SNX29: variants seen among roughly 807,000 people sequenced by gnomAD.
The protein encoded by SNX29 is sorting nexin-29.
SNX29 carries 78 observed loss-of-function variants against 102.1 expected under a neutral mutation model. The ratio of observed to expected loss-of-function variants is 0.76; its 90% CI spans 0.64 to 0.92. The LOEUF is 0.92. Ranked by LOEUF, SNX29 falls within the 40% of genes least tolerant of loss-of-function variation. The probability of loss-of-function intolerance (pLI) is 0.00; values close to 1 mark genes in which losing one functional copy is unlikely to be tolerated. For missense variants in SNX29, 1,280 were observed against 1,061.7 expected (o/e 1.21, Z -2.86); for synonymous variants, 580 against 414.5 (o/e 1.40, Z -4.85).
chr16:12,155,957 G>T (rs1467944780), intron 13 of SNX29, among the ~76,000 whole-genome samples: 1 of 152,204 alleles, frequency 6.6e-6, no homozygotes, highest in East Asian at 1.9e-4. Context: ...GGTATAAAAG[G>T]ACTTGACATG....
intron 13 of SNX29, among the ~76,000 whole-genome samples, chr16:12,137,988 G>A (rs1327828169): frequency 2.0e-5 from 3 of 152,184 alleles, no homozygotes; most frequent in East Asian, 1.9e-4. Flanking sequence ...TTCTGGCTGA[G>A]AAGGACTGGA....
intron 7 of SNX29, among the ~76,000 whole-genome samples, chr16:12,050,955 A>C (rs1379375865): frequency 6.6e-6 from 1 of 151,814 alleles, no homozygotes; most frequent in African/African-American, 2.4e-5. Context: ...TCCTGACCTC[A>C]GGTGATCCAC....
Position 12,483,114 on chromosome 16 carries a change from G to GTTTTTTTTTTTT in SNX29, c.2178+5273_2178+5284dup, listed in dbSNP as rs574090459. On this transcript the variant is annotated intron_variant, in intron 19 of 20. Coordinates refer to ENST00000566228, the MANE Select transcript of SNX29 (RefSeq NM_032167.5). ...AATAGATACATATTGAAGTTATTAA[G>GTTTTTTTTTTTT]TTTTTTTTTTTTTTTTTTTTTTTTT... 8.6e-4 allele frequency among the ~76,000 whole-genome samples: 57 copies of GTTTTTTTTTTTT among 66,206 alleles called. 7 individuals carry two copies. The highest frequency in any genetic ancestry group is 2.1e-3 in the African/African-American group (35 of 16,476). The allele number at this position is 66,206 out of a possible 152,430, so 43.4% of individuals were successfully genotyped here. A position where few individuals can be genotyped will look rare whatever the true frequency, so the allele number is the denominator to read the frequency against.
intron 11 of SNX29, among the ~76,000 whole-genome samples, chr16:12,082,554 G>C (rs868075840): frequency 2.6e-4 from 40 of 152,152 alleles, no homozygotes; most frequent in Non-Finnish European, 4.9e-4. Context: ...TTCTTGTTTT[G>C]ACTCAGACAA....
chr16:12,330,593 G>A (rs1337464160), intron 15 of SNX29, among the ~76,000 whole-genome samples: 1 of 152,222 alleles, frequency 6.6e-6, no homozygotes, highest in Non-Finnish European at 1.5e-5. Context: ...TGGAAACTGA[G>A]TCCCAGTGGG....
chr16:12,210,477 C>A (rs149290489), intron 14 of SNX29, among the ~76,000 whole-genome samples: 5 of 151,616 alleles, frequency 3.3e-5, no homozygotes, highest in Non-Finnish European at 1.5e-5. Flanking sequence ...CACTGGTGTC[C>A]ACCATCACTC....
At chr16:12,519,879 G>A (rs1030107159) in intron 19 of SNX29, among the ~76,000 whole-genome samples, 2 of 152,064 alleles carry the variant, frequency 1.3e-5, no homozygotes, top group African/African-American at 4.8e-5. Context: ...ATGGTGGTGT[G>A]CCCCTGTAGT....
chr16:12,540,452 G>T (rs59067997), intron 20 of SNX29, among the ~76,000 whole-genome samples: 1 of 151,964 alleles, frequency 6.6e-6, no homozygotes, highest in Admixed American at 6.5e-5. Flanking sequence ...CCAGAAGTCC[G>T]AGATCCGTCT....
intron 16 of SNX29, among the ~76,000 whole-genome samples, chr16:12,385,529 C>G (rs923670840): frequency 3.3e-5 from 5 of 152,182 alleles, no homozygotes; most frequent in Non-Finnish European, 5.9e-5. Flanking sequence ...ACTCAGGGCC[C>G]TCACCCGGAC....
intron 4 of SNX29, among the ~76,000 whole-genome samples, chr16:12,037,000 C>T (rs1423213541): frequency 5.3e-5 from 8 of 152,118 alleles, no homozygotes; most frequent in South Asian, 2.1e-4. Flanking sequence ...CCCTCACCAC[C>T]GCTTCTCTGT....
intron 14 of SNX29, among the ~76,000 whole-genome samples, chr16:12,248,654 G>T (rs907872044): frequency 6.6e-6 from 1 of 151,950 alleles, no homozygotes; most frequent in Non-Finnish European, 1.5e-5. Flanking sequence ...GATCTCAAGT[G>T]ATCCGCCTCC....
intron 18 of SNX29, among the ~76,000 whole-genome samples, chr16:12,435,458 G>C (rs1484651819): frequency 6.6e-6 from 1 of 152,210 alleles, no homozygotes; most frequent in Admixed American, 6.5e-5. Context: ...GCCACAGGCA[G>C]GCGGGTACGA....
intron 13 of SNX29, among the ~76,000 whole-genome samples, chr16:12,154,576 C>A (rs1250487468): frequency 6.6e-6 from 1 of 152,236 alleles, no homozygotes; most frequent in Non-Finnish European, 1.5e-5. Flanking sequence ...CATCCTCAGG[C>A]CTGAACTCTG....
chr16:12,436,108 T>C (rs1461302198), intron 18 of SNX29, among the ~76,000 whole-genome samples: 4 of 152,156 alleles, frequency 2.6e-5, no homozygotes, highest in Non-Finnish European at 5.9e-5. Context: ...ATGTTGGTGA[T>C]GCAGACGTAG....
Position 12,572,560 on chromosome 16 carries a change from C to T in SNX29, c.*3931C>T, listed in dbSNP as rs143993911. On this transcript the variant is annotated 3_prime_UTR_variant, in exon 21 of 21. Transcript: ENST00000566228. ...GGCTGCGACACCATCTGGCTCCTCA[C>T]AGGGAGGTCCAGCCATGTTCTCTGG... The T allele has an allele frequency of 3.1e-4, 330 of 1,063,812 alleles. 1 individual carries two copies. Among genetic ancestry groups the T allele is most frequent in the Admixed American group, 5.9e-4 (11 of 18,716 alleles). 65.9% of individuals were successfully genotyped at this position (1,063,812 alleles called of 1,614,324 possible).
chr16:11,980,055 ATTTTAT>A (rs1463115867), intron 1 of SNX29, among the ~76,000 whole-genome samples: 1 of 152,012 alleles, frequency 6.6e-6, no homozygotes, highest in East Asian at 1.9e-4. Context: ...CCTCCTGTTT[ATTTTAT>A]TTTTATTTTT....
At chr16:12,376,282 G>A (rs941713461) in intron 16 of SNX29, among the ~76,000 whole-genome samples, 6 of 152,220 alleles carry the variant, frequency 3.9e-5, no homozygotes, top group African/African-American at 1.2e-4. Flanking sequence ...GTTGTCACAG[G>A]CTGAATGCCA....
intron 1 of SNX29, among the ~76,000 whole-genome samples, chr16:11,984,253 C>G (rs573858157): frequency 5.9e-5 from 9 of 151,860 alleles, no homozygotes; most frequent in African/African-American, 2.2e-4. Context: ...CCTAGCCACT[C>G]GAGAGGCTGG....
chr16:12,233,595 G>GA (rs892055118), intron 14 of SNX29, among the ~76,000 whole-genome samples: 8 of 152,046 alleles, frequency 5.3e-5, no homozygotes, highest in Non-Finnish European at 2.9e-5. Flanking sequence ...AATGAAAGGT[G>GA]AAAAAAACCA....
Sources: gnomAD v4.1 joint callset for allele counts (sites outside exome capture counted in the v4.1 genomes callset) on GRCh38, gnomAD v4.1.1 for gene constraint, MANE v1.5 for transcripts, NCBI Gene and HGNC (gene_info 2026-07-23, HGNC 2026-07-21) for gene names.